Variants in STARD9 observed in about 807,000 individuals in gnomAD.
STARD9 encodes the protein StAR related lipid transfer domain containing 9.
Under a neutral mutation model 399.8 loss-of-function variants are expected in STARD9, and 346 were observed. That is an observed-to-expected ratio of 0.87 (90% CI 0.79 to 0.95). The LOEUF is 0.95. Among genes scored for constraint, STARD9 ranks in the 40% least tolerant of loss-of-function variants. The pLI is 0.00. For synonymous variants in STARD9, 2,203 were observed against 2,143.5 expected (o/e 1.03, Z -0.77); for missense variants, 5,832 against 5,667.5 (o/e 1.03, Z -0.93).
intron 7 of STARD9, among the ~76,000 whole-genome samples, chr15:42,643,518 C>CA (rs911290377): frequency 6.6e-6 from 1 of 151,624 alleles, no homozygotes; most frequent in Non-Finnish European, 1.5e-5. Context: ...TAAAAAAAAA[C>CA]AGAGTCTCGC....
chr15:42,692,294 G>C lies in STARD9; in HGVS notation c.10716G>C (p.Pro3572=), dbSNP rs750883510. ...TTGCCTTAGGAGACCCCCACATCCC[G>C]ACGAGCCCTGAAGGAGTAGCCCCCA... is the stretch of plus-strand genomic sequence containing the variant. ...SSIALGDPHI[P]TSPEGVAPTS... Residue 3572 remains proline (P), a synonymous_variant, in exon 23 of 33, where the codon CCG becomes CCC. Transcript: ENST00000290607. 6.5e-7 allele frequency: 1 copy of C among 1,536,940 alleles called. No homozygotes were observed.
chr15:42,703,130 T>A (rs1462936810), intron 26 of STARD9, among the ~76,000 whole-genome samples: 1 of 152,176 alleles, frequency 6.6e-6, no homozygotes, highest in African/African-American at 2.4e-5. Context: ...TTAATGACCT[T>A]TTCTTTGTCC....
intron 26 of STARD9, among the ~76,000 whole-genome samples, chr15:42,700,468 C>T (rs2060942330): frequency 6.6e-6 from 1 of 152,124 alleles, no homozygotes; most frequent in South Asian, 2.1e-4. Flanking sequence ...TTATTATAGT[C>T]ATTTAGATGG....
intron 26 of STARD9, among the ~76,000 whole-genome samples, chr15:42,706,005 A>C (rs1454003091): frequency 6.6e-6 from 1 of 152,092 alleles, no homozygotes; most frequent in African/African-American, 2.4e-5. Context: ...TGCCTACCTC[A>C]GCCTCCCAAA....
intron 9 of STARD9, among the ~76,000 whole-genome samples, chr15:42,660,001 T>C (rs967540267): frequency 6.6e-6 from 1 of 152,248 alleles, no homozygotes; most frequent in African/African-American, 2.4e-5. Flanking sequence ...AACTGTGGTA[T>C]ATCCACACAA....
At position 42,652,599 on chromosome 15, in the gene STARD9, A is replaced by T; in HGVS notation, c.702+7A>T. On this transcript the variant is annotated splice_region_variant and intron_variant, in intron 9 of 32. Transcript: ENST00000290607. Reference sequence around the variant, plus strand: ...CACGATCCACTACACGCAGGTTGGTAACTCCTTATGTTTGGTGAGATTTCT... The same window carrying T: ...CACGATCCACTACACGCAGGTTGGTTACTCCTTATGTTTGGTGAGATTTCT... 6.5e-7 allele frequency: 1 copy of T among 1,536,754 alleles called. No homozygotes were observed. The highest frequency in any genetic ancestry group is 8.7e-7 in the Non-Finnish European group (1 of 1,146,342).
chr15:42,687,213 C>T lies in STARD9; in HGVS notation c.5635C>T (p.His1879Tyr). 6.5e-7 allele frequency: 1 copy of T among 1,537,332 alleles called. No individual in the cohort carries two copies. The highest frequency in any genetic ancestry group is 8.7e-7 in the Non-Finnish European group (1 of 1,146,964). ...ENQVVILNKK[H>Y]SFPALEGGEV... ...CCAAGTTGTAATTTTAAATAAAAAA[C>T]ACAGTTTTCCAGCACTTGAGGGAGG... The change falls in exon 23 of 33, where the codon CAC (histidine) becomes TAC (tyrosine). Residue 1879 changes from histidine (H) to tyrosine (Y), a missense_variant. Coordinates refer to ENST00000290607, the MANE Select transcript of STARD9 (RefSeq NM_020759.3).
In STARD9 at chr15:42,684,330, C is replaced by A. The variant is rs1566933204; in HGVS notation, c.2752C>A (p.Pro918Thr). 3 of 1,536,506 alleles carry A rather than the reference C, an allele frequency of 2.0e-6. No individual in the cohort carries two copies. The highest frequency in any genetic ancestry group is 1.2e-5 in the South Asian group (1 of 83,998). Reference sequence around the variant, plus strand: ...CTTGGCCAGGAAGGGAGCCTCAGCTCCAGACGCTTGCCTCACCATGAGTCC... The same window carrying A: ...CTTGGCCAGGAAGGGAGCCTCAGCTACAGACGCTTGCCTCACCATGAGTCC... The part of the protein sequence containing the change: ...AALARKGASA[P>T]DACLTMSPNS... The change falls in exon 23 of 33, where the codon CCA becomes ACA. Residue 918 changes from proline (P) to threonine (T), a missense_variant. Pro to Thr is a conservative substitution (Grantham distance 38). Around this residue, in one of 2 missense-constraint regions of STARD9, gnomAD observed 5,828 missense variants for 5,651.1 expected, o/e 1.03. Transcript: ENST00000290607.
At chr15:42,603,532 T>C (rs1166660607) in intron 3 of STARD9, among the ~76,000 whole-genome samples, 1 of 152,130 alleles carries the variant, frequency 6.6e-6, no homozygotes, top group African/African-American at 2.4e-5. Context: ...AGAGCCAATT[T>C]ACCGAGACAG....
rs915152755 is a variant in STARD9, at chr15:42,682,373, C to T, written c.2335C>T (p.Gln779Ter). ...SFQLERIIKK[Q>*]RLLEAQKRLE... Reference sequence around the variant, plus strand: ...CCAGCTAGAGAGAATCATCAAAAAGCAGAGGCTGCTGGAGGCCCAGAAGAG... The same window carrying T: ...CCAGCTAGAGAGAATCATCAAAAAGTAGAGGCTGCTGGAGGCCCAGAAGAG... Residue 779 changes from glutamine (Q) to a stop codon, truncating the protein, a stop_gained, in exon 22 of 33, where the codon CAG (glutamine) becomes TAG (stop). Transcript: ENST00000290607. LOFTEE classifies it high-confidence loss of function. 4.6e-6 allele frequency: 7 copies of T among 1,537,120 alleles called. No individual in the cohort carries two copies. Among genetic ancestry groups the T allele is most frequent in the Non-Finnish European group, 6.1e-6 (7 of 1,146,912 alleles).
intron 3 of STARD9, among the ~76,000 whole-genome samples, chr15:42,612,477 G>A (rs182885093): frequency 3.3e-5 from 5 of 152,230 alleles, no homozygotes; most frequent in Non-Finnish European, 7.4e-5. Context: ...CTGTGGGAAC[G>A]GCAAGAACTT....
intron 3 of STARD9, among the ~76,000 whole-genome samples, chr15:42,619,207 C>G (rs1430237326): frequency 6.6e-6 from 1 of 152,100 alleles, no homozygotes; most frequent in African/African-American, 2.4e-5. Context: ...ATGATTTGAA[C>G]AACTCCAGGA....
At chr15:42,602,083 A>G (rs541646966) in intron 3 of STARD9, among the ~76,000 whole-genome samples, 1 of 152,312 alleles carries the variant, frequency 6.6e-6, no homozygotes, top group African/African-American at 2.4e-5. Flanking sequence ...TCCTAACGTC[A>G]AGTGATCCAC....
rs1192842040 is a variant in STARD9, at chr15:42,685,159, T to A, written c.3581T>A (p.Leu1194Gln). 2.0e-6 allele frequency: 3 copies of A among 1,537,072 alleles called. No homozygotes were observed. The highest frequency in any genetic ancestry group is 1.2e-5 in the South Asian group (1 of 84,068). Residue 1194 changes from leucine (L) to glutamine (Q), a missense_variant, in exon 23 of 33, where the codon CTA (leucine) becomes CAA (glutamine). Transcript: ENST00000290607. ...TTCACTGCAGCCTCAGACAGTGACC[T>A]ACTTGCTCAAACTCATAGGAGCTTC... ...RGFTAASDSD[L>Q]LAQTHRSFSL...
At chr15:42,666,257 C>A (rs989503983) in intron 15 of STARD9, among the ~76,000 whole-genome samples, 3 of 152,142 alleles carry the variant, frequency 2.0e-5, no homozygotes, top group African/African-American at 7.2e-5. Context: ...TGGTGTGTTT[C>A]ATGAACCATG....
chr15:42,639,011 C>G (rs2059480180), intron 7 of STARD9, among the ~76,000 whole-genome samples, 199 bp downstream of exon 7: 1 of 149,388 alleles, frequency 6.7e-6, no homozygotes, highest in Admixed American at 6.6e-5. Context: ...GGGTGTGAGT[C>G]AGGAAACAAA....
intron 3 of STARD9, among the ~76,000 whole-genome samples, chr15:42,590,000 A>G (rs1369598613): frequency 8.3e-6 from 1 of 120,306 alleles, no homozygotes; most frequent in Non-Finnish European, 1.6e-5. Flanking sequence ...TCGCTCTGTC[A>G]CTCAGGCTGG....
chr15:42,586,854 T>C (rs529293129), intron 3 of STARD9, among the ~76,000 whole-genome samples: 1 of 151,976 alleles, frequency 6.6e-6, no homozygotes, highest in Non-Finnish European at 1.5e-5. Flanking sequence ...TTTTTTTTTT[T>C]TGGTGGGGGG....
At position 42,691,305 on chromosome 15, in the gene STARD9, C is replaced by G; in HGVS notation, c.9727C>G (p.Gln3243Glu). ...TGATGAAGATGGCTTAGATGGCTGTCAGATTTTAGATGCTGGGAGAGAGGA... is the reference window on the plus strand; with the variant it reads ...TGATGAAGATGGCTTAGATGGCTGTGAGATTTTAGATGCTGGGAGAGAGGA... ...LPDEDGLDGCQILDAGREEVA... is the reference protein window; with the variant it reads ...LPDEDGLDGCEILDAGREEVA... The change falls in exon 23 of 33, where the codon CAG becomes GAG. Residue 3243 changes from glutamine (Q) to glutamate (E), a missense_variant. By Grantham distance (29) the Gln-to-Glu change is conservative. This residue lies in a region of STARD9 where 5,828 missense variants were observed against 5,651.1 expected (regional missense o/e 1.03). Transcript: ENST00000290607. 6.5e-7 allele frequency: 1 copy of G among 1,537,232 alleles called. No individual in the cohort carries two copies. Among genetic ancestry groups the G allele is most frequent in the Non-Finnish European group, 8.7e-7 (1 of 1,146,900 alleles).
Sources: gnomAD v4.1 joint callset for allele counts (sites outside exome capture counted in the v4.1 genomes callset) on GRCh38, gnomAD v4.1.1 for gene constraint, gnomAD v4.1.1 regional missense constraint, MANE v1.5 for transcripts, NCBI Gene and HGNC (gene_info 2026-07-23, HGNC 2026-07-21) for gene names.